Variants in A2M observed in about 807,000 individuals in gnomAD.
A2M encodes alpha-2-macroglobulin.
A2M carries 128 observed loss-of-function variants against 183.9 expected under a neutral mutation model. The observed-to-expected ratio is 0.70, with a 90% confidence interval of 0.60 to 0.81. A2M has a LOEUF of 0.81. Among genes scored for constraint, A2M ranks in the 30% least tolerant of loss-of-function variants. The probability of loss-of-function intolerance (pLI) is 0.00; values close to 1 mark genes in which losing one functional copy is unlikely to be tolerated. For missense variants in A2M, 1,495 were observed against 1,787.6 expected (o/e 0.84, Z 2.95); for synonymous variants, 592 against 670.8 (o/e 0.88, Z 1.81).
At chr12:9,099,287 C>G in intron 14 of A2M, 94 bp downstream of exon 14, 1 of 1,231,074 alleles carries the variant, frequency 8.1e-7, no homozygotes, top group African/African-American at 1.5e-5. Context: ...TTGTTTAACC[C>G]TTTTGGCCCT....
Position 9,090,496 on chromosome 12 carries a change from T to C in A2M, c.2470-14A>G. The C allele has an allele frequency of 6.2e-7, 1 of 1,612,522 alleles. No individual in the cohort carries two copies. Among genetic ancestry groups the C allele is most frequent in the Non-Finnish European group, 8.5e-7 (1 of 1,178,926 alleles). ...CTGCACACTGACCTGAAACCACACA[T>C]AAGAAAGGGAGTAGAGAGGGAAGGA... On this transcript the variant is annotated splice_polypyrimidine_tract_variant and intron_variant, in intron 19 of 35. Transcript: ENST00000318602.
intron 22 of A2M, among the ~76,000 whole-genome samples, chr12:9,085,764 A>G (rs762792647): frequency 2.6e-5 from 4 of 152,146 alleles, no homozygotes; most frequent in Non-Finnish European, 4.4e-5. Flanking sequence ...AGGTTAGCTA[A>G]GAAAAAAGAG....
chr12:9,084,546 G>A (rs1309280280), intron 22 of A2M, among the ~76,000 whole-genome samples: 1 of 151,690 alleles, frequency 6.6e-6, no homozygotes, highest in East Asian at 1.9e-4. Context: ...TAGAAGCACA[G>A]AACAAAAATT....
chr12:9,068,630 A>T, intron 34 of A2M, 110 bp downstream of exon 34: 2 of 879,698 alleles, frequency 2.3e-6, no homozygotes, highest in South Asian at 3.1e-5. Context: ...AGACAAAATG[A>T]AGTGATAATG....
At chr12:9,084,601 G>C (rs999625281) in intron 22 of A2M, among the ~76,000 whole-genome samples, 3 of 151,830 alleles carry the variant, frequency 2.0e-5, no homozygotes, top group Non-Finnish European at 4.4e-5. Flanking sequence ...AGACCACAAA[G>C]GAAGACAGCA....
chr12:9,113,038 T>C lies in A2M; in HGVS notation c.270+322A>G, dbSNP rs146981372. On this transcript the variant is annotated intron_variant, in intron 2 of 35. Coordinates refer to ENST00000318602, the MANE Select transcript of A2M (RefSeq NM_000014.6). ...CTGTCAGTCCACCACGGGTGGCTCA[T>C]GTTGAGCCTTGGTCTAGTTTGCTTT... 6.6e-5 allele frequency among the ~76,000 whole-genome samples: 10 copies of C among 152,232 alleles called. 1 individual carries two copies. Among genetic ancestry groups the C allele is most frequent in the African/African-American group, 2.4e-4 (10 of 41,552 alleles).
intron 11 of A2M, 56 bp from the exon 12 acceptor site, chr12:9,101,730 T>C: frequency 1.5e-6 from 2 of 1,379,222 alleles, no homozygotes; most frequent in Non-Finnish European, 2.0e-6. Context: ...AAGATTAATG[T>C]TCTCACAAAA....
chr12:9,098,666 G>C lies in A2M; in HGVS notation c.1792C>G (p.Arg598Gly). The C allele has an allele frequency of 1.2e-6, 2 of 1,611,274 alleles. No individual in the cohort carries two copies. The highest frequency in any genetic ancestry group is 2.2e-5 in the East Asian group (1 of 44,852). The change falls in exon 15 of 36, where the codon CGT (arginine) becomes GGT (glycine). Residue 598 changes from arginine (R) to glycine (G), a missense_variant. By Grantham distance (125) the Arg-to-Gly change is moderately radical (BLOSUM62 -2). Transcript: ENST00000318602. ...AGCAGCACGCTTTGGTCCACAGCACGGAGGGCGCAGACGGACTGAGGAGCC... is the reference window on the plus strand; with the variant it reads ...AGCAGCACGCTTTGGTCCACAGCACCGAGGGCGCAGACGGACTGAGGAGCC... The part of the protein sequence containing the change: ...TAAPQSVCAL[R>G]AVDQSVLLMK...
intron 13 of A2M, 35 bp from the exon 14 acceptor site, chr12:9,099,558 A>G (rs1343109229): frequency 6.3e-7 from 1 of 1,585,298 alleles, no homozygotes; most frequent in African/African-American, 1.3e-5. Flanking sequence ...AAGCCATCAT[A>G]GGTTAATGAC....
At chr12:9,099,308 T>C (rs1021596058) in intron 14 of A2M, 73 bp downstream of exon 14, 2 of 1,417,148 alleles carry the variant, frequency 1.4e-6, no homozygotes. Context: ...AATGTTCACA[T>C]GTGTAAAACA....
chr12:9,102,121 G>A (rs1181218207), intron 11 of A2M, among the ~76,000 whole-genome samples: 1 of 152,116 alleles, frequency 6.6e-6, no homozygotes, highest in East Asian at 1.9e-4. Flanking sequence ...TAACCTTAGG[G>A]GTCTGAGAAG....
Position 9,074,763 on chromosome 12 carries a change from GC to G in A2M, c.3552del (p.Glu1184AspfsTer25). Reference sequence around the variant, plus strand: ...ACTGGTGCCTTGGGTTTCTGAGGGCGCTCCCAATGGACAGAGTTGTCTTAAA... The same window carrying G: ...ACTGGTGCCTTGGGTTTCTGAGGGCGTCCCAATGGACAGAGTTGTCTTAAA... ...AVKKDNSVHW[E>X]RPQKPKAPVG... On this transcript the variant is annotated frameshift_variant, in exon 29 of 36. Coordinates refer to ENST00000318602, the MANE Select transcript of A2M (RefSeq NM_000014.6). LOFTEE classifies it high-confidence loss of function. 1 of 1,612,698 alleles carries G rather than the reference GC, an allele frequency of 6.2e-7. No homozygotes were observed. Among genetic ancestry groups the G allele is most frequent in the South Asian group, 1.1e-5 (1 of 90,738 alleles).
At chr12:9,080,199 A>G (rs1257023438) in intron 22 of A2M, 22 bp from the exon 23 acceptor site, 1 of 1,482,400 alleles carries the variant, frequency 6.7e-7, no homozygotes, top group South Asian at 1.2e-5. Flanking sequence ...AGCAAATCAG[A>G]CATATGAAAA....
Position 9,110,050 on chromosome 12 carries a change from T to C in A2M, c.505-15A>G. ...CCTTTGGGATCCTATATGAGTAAAT[T>C]AATTATAACTTACAAAAGCACCTGG... is the stretch of plus-strand genomic sequence containing the variant. On this transcript the variant is annotated splice_polypyrimidine_tract_variant and intron_variant, in intron 5 of 35. Coordinates refer to ENST00000318602, the MANE Select transcript of A2M (RefSeq NM_000014.6). The C allele has an allele frequency of 6.3e-7, 1 of 1,592,200 alleles. No individual in the cohort carries two copies. Among genetic ancestry groups the C allele is most frequent in the Non-Finnish European group, 8.5e-7 (1 of 1,171,552 alleles).
At chr12:9,094,124 T>C (rs753974382) in intron 17 of A2M, among the ~76,000 whole-genome samples, 42 of 152,048 alleles carry the variant, frequency 2.8e-4, no homozygotes, top group African/African-American at 9.4e-4. Flanking sequence ...TTTCCATTGG[T>C]GTGCTCCTCT....
rs958160889 is a variant in A2M, at chr12:9,100,648, T to G, written c.1558+496A>C. On this transcript the variant is annotated intron_variant, in intron 13 of 35. Transcript: ENST00000318602. ...AAGACAACACATATTTGATAAAGGG[T>G]GAGAAAAAAACCATTATTGTTTTCC... Among the ~76,000 whole-genome samples, 8 of 152,152 alleles carry G rather than the reference T, an allele frequency of 5.3e-5. No homozygotes were observed. In the South Asian group the frequency reaches 6.2e-4, roughly 12 times the overall value.
chr12:9,088,152 C>A (rs1433850612), intron 22 of A2M, among the ~76,000 whole-genome samples: 1 of 151,968 alleles, frequency 6.6e-6, no homozygotes, highest in Non-Finnish European at 1.5e-5. Flanking sequence ...AATCACACAT[C>A]CACAAACATA....
In A2M at chr12:9,106,503, C is replaced by G. The variant is rs745729563; in HGVS notation, c.982G>C (p.Glu328Gln). 12 of 1,594,654 alleles carry G rather than the reference C, an allele frequency of 7.5e-6. No individual in the cohort carries two copies. The highest frequency in any genetic ancestry group is 1.1e-5 in the South Asian group (1 of 88,428). The stretch of plus-strand genomic sequence containing the variant: ...GTAGTACACAAACCTGTTCCTTCTT[C>G]TTGGATCTGGGCCTCAGTGTGAAGT... ...MKLHTEAQIQ[E>Q]EGTVVELTGR... The change falls in exon 9 of 36, where the codon GAA becomes CAA. Residue 328 changes from glutamate to glutamine, a missense_variant. Transcript: ENST00000318602.
rs756875905 is a variant in A2M, at chr12:9,076,768, C to T, written c.3520G>A (p.Ala1174Thr). The change falls in exon 28 of 36, where the codon GCT becomes ACT. Residue 1174 changes from alanine to threonine, a missense_variant. Transcript: ENST00000318602. ...GGTGTGCTCTCACCTTTCTTCACAG[C>T]TTCCTCATTAAGTGACTTGAGTACT... ...KEVLKSLNEE[A>T]VKKDNSVHWE... is the part of the protein sequence containing the mutation. The T allele has an allele frequency of 3.7e-6, 6 of 1,613,924 alleles. No homozygotes were observed. The highest frequency in any genetic ancestry group is 3.3e-4 in the Middle Eastern group (2 of 6,038).
Sources: allele counts gnomAD v4.1 joint callset (sites outside exome capture counted in the v4.1 genomes callset), GRCh38; gene constraint gnomAD v4.1.1; transcripts MANE v1.5; gene names NCBI Gene and HGNC (gene_info 2026-07-23, HGNC 2026-07-21).